Variants in TTC28 observed in about 807,000 individuals in gnomAD.
The protein encoded by TTC28 is tetratricopeptide repeat protein 28.
TTC28 carries 61 observed loss-of-function variants against 198.0 expected under a neutral mutation model. The observed-to-expected ratio is 0.31, with a 90% confidence interval of 0.25 to 0.38. The LOEUF is 0.38. Among genes scored for constraint, TTC28 ranks in the 10% least tolerant of loss-of-function variants. The pLI is 1.00. For synonymous variants in TTC28, 1,171 were observed against 1,297.8 expected (o/e 0.90, Z 2.10); for missense variants, 2,678 against 3,164.0 (o/e 0.85, Z 3.69).
intron 5 of TTC28, among the ~76,000 whole-genome samples, chr22:28,259,887 G>C (rs1931201529): frequency 6.6e-6 from 1 of 152,080 alleles, no homozygotes; most frequent in Admixed American, 6.6e-5. Context: ...AGGAGAGGAG[G>C]AAAAGGACAA....
intron 1 of TTC28, among the ~76,000 whole-genome samples, chr22:28,636,982 G>A (rs1456580220): frequency 6.9e-6 from 1 of 144,168 alleles, no homozygotes; most frequent in Non-Finnish European, 1.5e-5. Context: ...TCTTCTAGGA[G>A]TTTTAGAGTT....
chr22:28,335,436 T>C (rs1483934262), intron 2 of TTC28, among the ~76,000 whole-genome samples: 2 of 152,226 alleles, frequency 1.3e-5, no homozygotes, highest in African/African-American at 4.8e-5. Flanking sequence ...ATCTATAAAT[T>C]ACCTTGGGCT....
intron 6 of TTC28, among the ~76,000 whole-genome samples, chr22:28,140,266 T>TA (rs1389432073): frequency 2.0e-5 from 3 of 152,216 alleles, no homozygotes; most frequent in Non-Finnish European, 4.4e-5. Context: ...GTATGTGCTG[T>TA]ATTGCTCCCT....
intron 2 of TTC28, among the ~76,000 whole-genome samples, chr22:28,580,704 T>C (rs1267588903): frequency 6.6e-6 from 1 of 152,230 alleles, no homozygotes; most frequent in African/African-American, 2.4e-5. Flanking sequence ...TATAATTATT[T>C]TTATCTGAAT....
intron 2 of TTC28, among the ~76,000 whole-genome samples, chr22:28,383,269 T>C (rs1169404766): frequency 3.3e-5 from 5 of 152,234 alleles, no homozygotes; most frequent in African/African-American, 4.8e-5. Flanking sequence ...TTATTACATC[T>C]ATTGCTTTAT....
chr22:28,206,114 C>T (rs1457386627), intron 5 of TTC28, among the ~76,000 whole-genome samples: 1 of 152,100 alleles, frequency 6.6e-6, no homozygotes, highest in Non-Finnish European at 1.5e-5. Flanking sequence ...GCAAAGTCTA[C>T]TCCCATGATT....
At chr22:28,312,356 C>T (rs900422437) in intron 2 of TTC28, among the ~76,000 whole-genome samples, 1 of 152,046 alleles carries the variant, frequency 6.6e-6, no homozygotes, top group East Asian at 1.9e-4. Flanking sequence ...CTGGACCAAG[C>T]GAACCTAATA....
chr22:28,573,411 G>A (rs192976179), intron 2 of TTC28, among the ~76,000 whole-genome samples: 2 of 149,040 alleles, frequency 1.3e-5, no homozygotes, highest in African/African-American at 2.5e-5. Flanking sequence ...CCGTGATCGC[G>A]CCACTGCACT....
intron 5 of TTC28, among the ~76,000 whole-genome samples, chr22:28,254,140 T>C (rs1415690918): frequency 3.3e-5 from 5 of 151,428 alleles, no homozygotes; most frequent in African/African-American, 1.2e-4. Context: ...ATCTGAGTTT[T>C]GAAAGGAAAG....
intron 5 of TTC28, among the ~76,000 whole-genome samples, chr22:28,205,082 GA>G (rs1368590766): frequency 6.6e-6 from 1 of 152,012 alleles, no homozygotes; most frequent in Non-Finnish European, 1.5e-5. Flanking sequence ...TGGTCCTTAT[GA>G]AATATTACCT....
At chr22:28,393,734 G>A (rs2046771488) in intron 2 of TTC28, among the ~76,000 whole-genome samples, 1 of 152,062 alleles carries the variant, frequency 6.6e-6, no homozygotes, top group Non-Finnish European at 1.5e-5. Context: ...AACGGCTTCA[G>A]CTTGGCTGTT....
At chr22:28,369,474 A>G (rs1257470387) in intron 2 of TTC28, among the ~76,000 whole-genome samples, 1 of 152,236 alleles carries the variant, frequency 6.6e-6, no homozygotes, top group African/African-American at 2.4e-5. Flanking sequence ...AACAAGTATT[A>G]GATTAGTAAC....
intron 12 of TTC28, among the ~76,000 whole-genome samples, chr22:28,068,816 T>C (rs926864826): frequency 2.0e-5 from 3 of 152,256 alleles, no homozygotes; most frequent in Admixed American, 1.3e-4. Flanking sequence ...ATGAAGGATT[T>C]ATTTTTTGGA....
intron 3 of TTC28, among the ~76,000 whole-genome samples, chr22:28,302,348 C>T (rs892296835): frequency 6.6e-6 from 1 of 152,148 alleles, no homozygotes; most frequent in East Asian, 1.9e-4. Context: ...TTAGGTACTA[C>T]GTAGTGTTCC....
At chr22:28,150,473 A>C (rs1943580191) in intron 6 of TTC28, among the ~76,000 whole-genome samples, 1 of 151,784 alleles carries the variant, frequency 6.6e-6, no homozygotes, top group Non-Finnish European at 1.5e-5. Context: ...TGATTTTCTC[A>C]AAAAAAATCA....
At chr22:28,596,344 AGACCAGATCAG>A (rs2050543751) in intron 2 of TTC28, among the ~76,000 whole-genome samples, 1 of 152,230 alleles carries the variant, frequency 6.6e-6, no homozygotes, top group African/African-American at 2.4e-5. Flanking sequence ...AGGTGGGCAG[AGACCAGATCAG>A]GGTTTTCTTG....
chr22:28,519,626 T>C (rs1214359254), intron 2 of TTC28, among the ~76,000 whole-genome samples: 2 of 152,214 alleles, frequency 1.3e-5, no homozygotes, highest in Non-Finnish European at 1.5e-5. Context: ...TAACTGTGCA[T>C]GCCTGAGGAC....
At chr22:28,166,013 G>A (rs1354734273) in intron 5 of TTC28, among the ~76,000 whole-genome samples, 2 of 152,190 alleles carry the variant, frequency 1.3e-5, no homozygotes, top group East Asian at 3.9e-4. Context: ...AACAAAAAAA[G>A]GCAGGGGTTG....
At chr22:28,133,011 G>T (rs1288231355) in intron 6 of TTC28, among the ~76,000 whole-genome samples, 1 of 152,154 alleles carries the variant, frequency 6.6e-6, no homozygotes, top group South Asian at 2.1e-4. Context: ...ATCATTTGAG[G>T]TCAGGAGTTT....
Sources: allele counts gnomAD v4.1 joint callset (sites outside exome capture counted in the v4.1 genomes callset), GRCh38; gene constraint gnomAD v4.1.1; transcripts MANE v1.5; gene names NCBI Gene and HGNC (gene_info 2026-07-23, HGNC 2026-07-21).